Variants in SPAG16 observed in about 807,000 individuals in gnomAD.
SPAG16 encodes sperm associated antigen 16.
A neutral mutation model predicts 80.4 loss-of-function variants in SPAG16; 86 were observed. The ratio of observed to expected loss-of-function variants is 1.07; its 90% CI spans 0.90 to 1.28. SPAG16 has a LOEUF of 1.28. SPAG16 is among the 50% of genes most tolerant of loss of function. The pLI is 0.00. For synonymous variants in SPAG16, 294 were observed against 265.9 expected (o/e 1.11, Z -1.03); for missense variants, 870 against 765.3 (o/e 1.14, Z -1.61).
At chr2:213,907,841 G>T (rs2077495455) in intron 11 of SPAG16, among the ~76,000 whole-genome samples, 1 of 152,058 alleles carries the variant, frequency 6.6e-6, no homozygotes, top group Non-Finnish European at 1.5e-5. Context: ...ATAGAAATAG[G>T]GAGCAGAATT....
In SPAG16 at chr2:213,851,409, G is replaced by A. The variant is rs546798950; in HGVS notation, c.1071-11076G>A. 1.8e-4 allele frequency among the ~76,000 whole-genome samples: 27 copies of A among 152,292 alleles called. 2 individuals are homozygous for A. Among genetic ancestry groups the A allele is most frequent in the African/African-American group, 6.0e-4 (25 of 41,566 alleles). On this transcript the variant is annotated intron_variant, in intron 10 of 15. Coordinates refer to ENST00000331683, the MANE Select transcript of SPAG16 (RefSeq NM_024532.5). ...TGTAATCTCAGCTACTTGAGAGTCC[G>A]AGGCAGGAGAATCACTTTAACCCAG...
intron 12 of SPAG16, among the ~76,000 whole-genome samples, chr2:213,978,145 T>G (rs2106404537): frequency 6.6e-6 from 1 of 152,176 alleles, no homozygotes; most frequent in African/African-American, 2.4e-5. Flanking sequence ...TATCCTTGTT[T>G]CCCGTCTTGG....
chr2:213,366,510 C>G (rs759258913), intron 8 of SPAG16, among the ~76,000 whole-genome samples: 47 of 152,184 alleles, frequency 3.1e-4, no homozygotes, highest in Non-Finnish European at 5.7e-4. Flanking sequence ...GCAAAGGCAC[C>G]TCTTAGATGG....
intron 12 of SPAG16, among the ~76,000 whole-genome samples, chr2:213,949,047 C>CT: frequency 6.6e-6 from 1 of 151,372 alleles, no homozygotes; most frequent in East Asian, 1.9e-4. Flanking sequence ...TTGAAACTTT[C>CT]TTTTTACAAA....
At chr2:213,544,186 T>C (rs1285500757) in intron 10 of SPAG16, among the ~76,000 whole-genome samples, 1 of 152,028 alleles carries the variant, frequency 6.6e-6, no homozygotes, top group Non-Finnish European at 1.5e-5. Context: ...ATAACTTCTT[T>C]GACTTTATCT....
At chr2:213,695,348 A>G (rs183542575) in intron 10 of SPAG16, among the ~76,000 whole-genome samples, 1 of 152,176 alleles carries the variant, frequency 6.6e-6, no homozygotes, top group African/African-American at 2.4e-5. Flanking sequence ...TGTTCAGGAT[A>G]ATTCCTTCAA....
chr2:214,239,383 C>T (rs1689307436), intron 15 of SPAG16: 1 of 152,096 alleles, frequency 6.6e-6, no homozygotes, highest in Non-Finnish European at 1.5e-5. Context: ...TACCACAGAT[C>T]TCTAGAACTT....
intron 10 of SPAG16, among the ~76,000 whole-genome samples, chr2:213,732,791 G>T (rs1334812431): frequency 6.6e-6 from 1 of 152,114 alleles, no homozygotes; most frequent in East Asian, 1.9e-4. Flanking sequence ...TAAGCACTTA[G>T]GTTGAGTTCA....
At chr2:213,325,263 A>T (rs1356398880) in intron 5 of SPAG16, among the ~76,000 whole-genome samples, 1 of 147,428 alleles carries the variant, frequency 6.8e-6, no homozygotes, top group Non-Finnish European at 1.5e-5. Flanking sequence ...TATGGTATTT[A>T]TTTTGACATT....
chr2:213,986,905 A>T (rs1000457370), intron 12 of SPAG16, among the ~76,000 whole-genome samples: 1 of 150,426 alleles, frequency 6.6e-6, no homozygotes, highest in African/African-American at 2.5e-5. Context: ...AAAAAAAAAA[A>T]AAAAAAAAAA....
At chr2:214,244,992 A>G (rs180908720) in intron 15 of SPAG16, among the ~76,000 whole-genome samples, 3 of 152,200 alleles carry the variant, frequency 2.0e-5, no homozygotes, top group South Asian at 4.1e-4. Flanking sequence ...ACCTTTTACT[A>G]TGCCAGGACA....
chr2:213,604,419 A>G (rs753972014), intron 10 of SPAG16, among the ~76,000 whole-genome samples: 56 of 152,060 alleles, frequency 3.7e-4, no homozygotes, highest in Non-Finnish European at 5.9e-4. Flanking sequence ...TATATTTTTT[A>G]CTTTTGCTCC....
chr2:213,960,395 G>GT (rs897644311), intron 12 of SPAG16, among the ~76,000 whole-genome samples: 28 of 149,354 alleles, frequency 1.9e-4, no homozygotes, highest in African/African-American at 2.9e-4. Flanking sequence ...CTGTTTGTTT[G>GT]TTTTTTTTTC....
At chr2:213,948,808 A>T (rs1393304127) in intron 12 of SPAG16, among the ~76,000 whole-genome samples, 1 of 152,200 alleles carries the variant, frequency 6.6e-6, no homozygotes, top group African/African-American at 2.4e-5. Flanking sequence ...TGTATTTTAC[A>T]CATATTCCTG....
chr2:213,942,382 C>T (rs962645962), intron 12 of SPAG16, among the ~76,000 whole-genome samples: 1 of 152,198 alleles, frequency 6.6e-6, no homozygotes, highest in African/African-American at 2.4e-5. Flanking sequence ...AAATCCCTAA[C>T]ACTCTCCCCA....
intron 9 of SPAG16, among the ~76,000 whole-genome samples, chr2:213,376,406 ATAT>A (rs1292971497): frequency 1.3e-5 from 2 of 152,030 alleles, no homozygotes; most frequent in Non-Finnish European, 2.9e-5. Context: ...TATGCATAGT[ATAT>A]TATTTTATGG....
At chr2:214,357,437 A>G (rs1165494262) in intron 15 of SPAG16, among the ~76,000 whole-genome samples, 1 of 151,586 alleles carries the variant, frequency 6.6e-6, no homozygotes, top group Non-Finnish European at 1.5e-5. Flanking sequence ...CTTTTCATGT[A>G]TCTTCTAGTG....
chr2:214,093,629 T>G (rs75074934), intron 13 of SPAG16, among the ~76,000 whole-genome samples: 3,163 of 151,932 alleles, frequency 0.021, 111 homozygotes, highest in African/African-American at 0.073. Context: ...ATGTGTGGGG[T>G]TTTTTAACAG....
At chr2:213,871,481 A>G (rs562237585) in intron 11 of SPAG16, among the ~76,000 whole-genome samples, 3 of 152,086 alleles carry the variant, frequency 2.0e-5, no homozygotes, top group Admixed American at 6.6e-5. Context: ...TCCAAAGGGG[A>G]TTTGAAGCAC....
Sources: gnomAD v4.1 joint callset for allele counts (sites outside exome capture counted in the v4.1 genomes callset) on GRCh38, gnomAD v4.1.1 for gene constraint, MANE v1.5 for transcripts, NCBI Gene and HGNC (gene_info 2026-07-23, HGNC 2026-07-21) for gene names.